Variants in XRCC3 observed in about 807,000 individuals in gnomAD.
XRCC3 encodes DNA repair protein XRCC3.
A neutral mutation model predicts 29.2 loss-of-function variants in XRCC3; 34 were observed. That is an observed-to-expected ratio of 1.16 (90% CI 0.88 to 1.55). The LOEUF is 1.55. Among genes scored for constraint, XRCC3 ranks in the 40% most tolerant of loss-of-function variants. The pLI, the probability that XRCC3 is intolerant of heterozygous loss-of-function variation, is 0.00. For synonymous variants in XRCC3, 223 were observed against 211.3 expected, an observed-to-expected ratio of 1.06 and a Z score of -0.48; for missense variants, 463 against 467.6, an observed-to-expected ratio of 0.99 and a Z score of 0.09.
intron 7 of XRCC3, chr14:103,702,044 CTT>C (rs2083231042): frequency 6.6e-6 from 1 of 152,294 alleles, no homozygotes; most frequent in Admixed American, 6.5e-5. Flanking sequence ...TCTTCTGCGT[CTT>C]TTCTACTTCA....
chr14:103,701,447 TG>T, intron 7 of XRCC3: 1 of 444,290 alleles, frequency 2.3e-6, no homozygotes, highest in South Asian at 5.0e-5. Flanking sequence ...GGGCATGAGC[TG>T]GGCCCACGGC....
At chr14:103,711,671 G>T (rs1427032980) in intron 2 of XRCC3, 104 bp from the exon 3 acceptor site, 1 of 456,270 alleles carries the variant, frequency 2.2e-6, no homozygotes, top group Non-Finnish European at 4.4e-6. Context: ...CCTGTGGGAC[G>T]GGAGGAAGGT....
In XRCC3 at chr14:103,711,142, T is replaced by C. The variant is rs977547501; in HGVS notation, c.-55A>G. The C allele has an allele frequency of 1.9e-6, 3 of 1,598,400 alleles. No homozygotes were observed. The highest frequency in any genetic ancestry group is 1.3e-5 in the African/African-American group (1 of 74,590). On this transcript the variant is annotated 5_prime_UTR_variant, in exon 4 of 10. Transcript: ENST00000555055. ...TAACTTCCCAGGAAAGACAGAACAA[T>C]GGATGCAAATTCTGAGGCACTCGCC...
chr14:103,708,588 T>C lies in XRCC3; in HGVS notation c.127A>G (p.Ser43Gly). The C allele has an allele frequency of 1.2e-6, 2 of 1,614,196 alleles. No homozygotes were observed. The highest frequency in any genetic ancestry group is 1.7e-6 in the Non-Finnish European group (2 of 1,180,040). Reference sequence around the variant, plus strand: ...CTCAGCAAGTGCCAGACCTCGGGGCTGGAGAGGTTGGTCAGTCTCTTCAAG... The same window carrying C: ...CTCAGCAAGTGCCAGACCTCGGGGCCGGAGAGGTTGGTCAGTCTCTTCAAG... ...PDLKRLTNLSSPEVWHLLRTA... is the reference protein window; with the variant it reads ...PDLKRLTNLSGPEVWHLLRTA... Residue 43 changes from serine (S) to glycine (G), a missense_variant, in exon 5 of 10, where the codon AGC (serine) becomes GGC (glycine). Coordinates refer to ENST00000555055, the MANE Select transcript of XRCC3 (RefSeq NM_005432.4).
intron 7 of XRCC3, chr14:103,699,822 C>A (rs554244728): frequency 8.6e-5 from 48 of 560,530 alleles, no homozygotes; most frequent in African/African-American, 7.3e-4. Flanking sequence ...TCTGGCCCCC[C>A]CAGGCAGTCA....
Position 103,707,145 on chromosome 14 carries a change from C to T in XRCC3, c.264G>A (p.Val88=), listed in dbSNP as rs2151938257. 1 of 1,549,618 alleles carries T rather than the reference C, an allele frequency of 6.5e-7. No individual in the cohort carries two copies. Among genetic ancestry groups the T allele is most frequent in the East Asian group, 2.4e-5 (1 of 40,924 alleles). Reference sequence around the variant, plus strand: ...GGCCACCGCGGAGCAGCGCGTCCAGCACCGGGCAGCCCAGGCTCAGGCGCT... The same window carrying T: ...GGCCACCGCGGAGCAGCGCGTCCAGTACCGGGCAGCCCAGGCTCAGGCGCT... ...QHQRLSLGCP[V]LDALLRGGLP... The change falls in exon 6 of 10, where the codon GTG becomes GTA. Residue 88 remains valine, a synonymous_variant. Coordinates refer to ENST00000555055, the MANE Select transcript of XRCC3 (RefSeq NM_005432.4).
Position 103,703,152 on chromosome 14 carries a change from TG to T in XRCC3, c.561+20del. 1 of 1,561,076 alleles carries T rather than the reference TG, an allele frequency of 6.4e-7. No homozygotes were observed. Among genetic ancestry groups the T allele is most frequent in the Non-Finnish European group, 8.7e-7 (1 of 1,153,722 alleles). On this transcript the variant is annotated intron_variant, in intron 7 of 9. Transcript: ENST00000555055. The stretch of plus-strand genomic sequence containing the variant: ...TGAATAGCTTGCCTTGGGGGTGTCA[TG>T]GGGCTTCTCCCACACTCACCACATC...
At position 103,711,056 on chromosome 14, in the gene XRCC3, C is replaced by G. The variant is rs1474638790; in HGVS notation, c.32G>C (p.Arg11Thr). 6.2e-7 allele frequency: 1 copy of G among 1,614,048 alleles called. No homozygotes were observed. The highest frequency in any genetic ancestry group is 1.3e-5 in the African/African-American group (1 of 74,920). ...ACCTTTCTTAATTGCAGCAATAATTCTGGGATTCAGGTCCAGTAGATCCAA... is the reference window on the plus strand; with the variant it reads ...ACCTTTCTTAATTGCAGCAATAATTGTGGGATTCAGGTCCAGTAGATCCAA... MDLDLLDLNP[R>T]IIAAIKKAKL... Residue 11 changes from arginine to threonine, a missense_variant, in exon 4 of 10, where the codon AGA (arginine) becomes ACA (threonine). Coordinates refer to ENST00000555055, the MANE Select transcript of XRCC3 (RefSeq NM_005432.4).
At chr14:103,701,097 C>A in intron 7 of XRCC3, 1 of 1,396,202 alleles carries the variant, frequency 7.2e-7, no homozygotes, top group Non-Finnish European at 9.9e-7. Flanking sequence ...CTTCTCTAGG[C>A]AGACTTGGGG....
intron 7 of XRCC3, chr14:103,700,307 G>T: frequency 7.6e-6 from 2 of 263,424 alleles, no homozygotes; most frequent in South Asian, 6.3e-5. Context: ...AGCTTCCAGG[G>T]GAGGACCCCC....
At chr14:103,701,082 A>G (rs2083158703) in intron 7 of XRCC3, 2 of 1,271,268 alleles carry the variant, frequency 1.6e-6, no homozygotes, top group African/African-American at 2.9e-5. Context: ...AACCAGCAAC[A>G]CCCTCTTCTC....
Position 103,698,510 on chromosome 14 carries a change from C to T in XRCC3, c.*288G>A, listed in dbSNP as rs977087080. On this transcript the variant is annotated 3_prime_UTR_variant, in exon 10 of 10. Coordinates refer to ENST00000555055, the MANE Select transcript of XRCC3 (RefSeq NM_005432.4). ...AGTCACTGTAGGACACCCCAGGCTC[C>T]AGCCCTGAGAATCACCTCTCCCCAA... The T allele has an allele frequency of 1.0e-5, 5 of 485,382 alleles. No homozygotes were observed. The highest frequency in any genetic ancestry group is 7.8e-5 in the African/African-American group (4 of 51,254). 30.1% of individuals were successfully genotyped at this position (485,382 alleles called of 1,614,324 possible). A position where few individuals can be genotyped will look rare whatever the true frequency, so the allele number is the denominator to read the frequency against.
intron 3 of XRCC3, 61 bp from the exon 4 acceptor site, chr14:103,711,306 T>C: frequency 1.5e-6 from 1 of 682,172 alleles, no homozygotes; most frequent in South Asian, 1.5e-5. Flanking sequence ...TAGGGCAACA[T>C]GTCTGTCATT....
chr14:103,711,296 T>G, intron 3 of XRCC3, 51 bp from the exon 4 acceptor site: 1 of 683,196 alleles, frequency 1.5e-6, no homozygotes, highest in Non-Finnish European at 2.7e-6. Context: ...TAGCTACATC[T>G]AGGGCAACAT....
rs2083129517 is a variant in XRCC3 at position 103,700,845 on chromosome 14, G to T, written c.562-1269C>A. On this transcript the variant is annotated intron_variant, in intron 7 of 9. Coordinates refer to ENST00000555055, the MANE Select transcript of XRCC3 (RefSeq NM_005432.4). Reference sequence around the variant, plus strand: ...AAGTGGTGACTGCTGCTAGCTGCCAGGCTGGGCCTCCAAGAGGGGCTTGGC... The same window carrying T: ...AAGTGGTGACTGCTGCTAGCTGCCATGCTGGGCCTCCAAGAGGGGCTTGGC... 11 of 844,826 alleles carry T rather than the reference G, an allele frequency of 1.3e-5. No homozygotes were observed. In the South Asian group the frequency reaches 1.8e-4, roughly 14 times the overall value. The allele number at this position is 844,826 out of a possible 1,614,324, so 52.3% of individuals were successfully genotyped here. A position where few individuals can be genotyped will look rare whatever the true frequency, so the allele number is the denominator to read the frequency against.
chr14:103,698,656 A>G lies in XRCC3; in HGVS notation c.*142T>C. ...AGTCTGTGGCCACCATCTTCGGATG[A>G]GAAAGTGGAGCCGCTGCCCTGGAAG... On this transcript the variant is annotated 3_prime_UTR_variant, in exon 10 of 10. Transcript: ENST00000555055. 1.3e-6 allele frequency: 1 copy of G among 760,296 alleles called. No individual in the cohort carries two copies. Among genetic ancestry groups the G allele is most frequent in the Non-Finnish European group, 2.2e-6 (1 of 451,136 alleles). 47.1% of individuals were successfully genotyped at this position (760,296 alleles called of 1,614,324 possible).
chr14:103,699,031 A>C lies in XRCC3; in HGVS notation c.822-14T>G. Reference sequence around the variant, plus strand: ...TCGTCCCAGAACCTGAGAAACAGGAAGCAGGCAAGCTGGCGCTCAGGCTTG... The same window carrying C: ...TCGTCCCAGAACCTGAGAAACAGGACGCAGGCAAGCTGGCGCTCAGGCTTG... On this transcript the variant is annotated splice_polypyrimidine_tract_variant and intron_variant, in intron 9 of 9. Transcript: ENST00000555055. The C allele has an allele frequency of 6.3e-7, 1 of 1,575,742 alleles. No individual in the cohort carries two copies. The highest frequency in any genetic ancestry group is 8.6e-7 in the Non-Finnish European group (1 of 1,160,366).
intron 7 of XRCC3, chr14:103,701,293 C>T (rs1458516921): frequency 1.2e-5 from 16 of 1,370,294 alleles, no homozygotes; most frequent in Admixed American, 2.0e-5. Flanking sequence ...GGCCCCTGGC[C>T]GGGAGCCGCA....
chr14:103,708,361 G>A (rs1595670105), intron 5 of XRCC3, 161 bp downstream of exon 5: 3 of 1,067,122 alleles, frequency 2.8e-6, no homozygotes, highest in Non-Finnish European at 4.1e-6. Flanking sequence ...CAGCCCCATG[G>A]GTGTAGGACA....
Sources: allele counts gnomAD v4.1 joint callset, GRCh38; gene constraint gnomAD v4.1.1; transcripts MANE v1.5; gene names NCBI Gene and HGNC (gene_info 2026-07-23, HGNC 2026-07-21).